MAGI2: variants seen among roughly 807,000 people sequenced by gnomAD.
MAGI2 encodes membrane associated guanylate kinase, WW and PDZ domain containing 2.
A neutral mutation model predicts 133.3 loss-of-function variants in MAGI2; 35 were observed. The ratio of observed to expected loss-of-function variants is 0.26; its 90% confidence interval spans 0.20 to 0.35. MAGI2 has a LOEUF of 0.35. MAGI2 is among the 10% of genes least tolerant of loss of function. The pLI is 1.00. For missense variants in MAGI2, 1,636 were observed against 1,863.4 expected (o/e 0.88, Z 2.25); for synonymous variants, 729 against 710.6 (o/e 1.03, Z -0.41).
rs777378299 is a variant in MAGI2 at position 78,055,763 on chromosome 7, A to T, written c.3706+23184T>A. ...AACTGATGATAATGCCAACCTTATG[A>T]TAATGAGCTGCCTGGCTCCTACTGA... On this transcript the variant is annotated intron_variant, in intron 21 of 21. Coordinates refer to ENST00000354212, the MANE Select transcript of MAGI2 (RefSeq NM_012301.4). 9.2e-5 allele frequency among the ~76,000 whole-genome samples: 14 copies of T among 152,304 alleles called. No homozygotes were observed. In the South Asian group the frequency reaches 1.7e-3, roughly 18 times the overall value.
chr7:78,349,456 G>A (rs1051994411), intron 7 of MAGI2, among the ~76,000 whole-genome samples: 1 of 152,132 alleles, frequency 6.6e-6, no homozygotes, highest in Admixed American at 6.5e-5. Flanking sequence ...AAAACTTTCT[G>A]GGATGCAGTT....
chr7:78,612,712 C>G lies in MAGI2; in HGVS notation c.538+14408G>C, dbSNP rs191952044. Among the ~76,000 whole-genome samples, 367 of 152,074 alleles carry G rather than the reference C, an allele frequency of 2.4e-3. 2 individuals are homozygous for G. Among genetic ancestry groups the G allele is most frequent in the Non-Finnish European group, 4.4e-3 (299 of 68,002 alleles). On this transcript the variant is annotated intron_variant, in intron 3 of 21. Transcript: ENST00000354212. Reference sequence around the variant, plus strand: ...TGAGGCGGGGTCTCGCTCTGTCGCCCAGGCCGGAGTGCAGTGGAGGGATCT... The same window carrying G: ...TGAGGCGGGGTCTCGCTCTGTCGCCGAGGCCGGAGTGCAGTGGAGGGATCT...
At chr7:78,821,285 A>G (rs533804169) in intron 2 of MAGI2, among the ~76,000 whole-genome samples, 15 of 152,196 alleles carry the variant, frequency 9.9e-5, no homozygotes, top group African/African-American at 3.6e-4. Flanking sequence ...GCACTGTTTT[A>G]GGCAATTAAG....
chr7:79,027,146 T>TA (rs749164032), intron 1 of MAGI2, among the ~76,000 whole-genome samples: 16 of 151,344 alleles, frequency 1.1e-4, no homozygotes, highest in African/African-American at 3.1e-4. Flanking sequence ...ATGGAGTTTC[T>TA]AAAAAAAATA....
chr7:78,235,151 A>T (rs1790396201), intron 10 of MAGI2, among the ~76,000 whole-genome samples: 1 of 152,172 alleles, frequency 6.6e-6, no homozygotes, highest in Non-Finnish European at 1.5e-5. Context: ...TATTTTACAT[A>T]ATAGTAAATT....
At chr7:78,788,549 A>T (rs80221008) in intron 2 of MAGI2, among the ~76,000 whole-genome samples, 11,589 of 150,660 alleles carry the variant, frequency 0.077, 508 homozygotes, top group East Asian at 0.19. Context: ...ATTTTTTTTT[A>T]AAATTTGAAT....
At chr7:78,651,684 A>C (rs1811591243) in intron 2 of MAGI2, among the ~76,000 whole-genome samples, 1 of 152,134 alleles carries the variant, frequency 6.6e-6, no homozygotes, top group African/African-American at 2.4e-5. Context: ...ATTAGAATAA[A>C]ATGATGATCT....
At chr7:78,335,157 G>C (rs2691541) in intron 9 of MAGI2, among the ~76,000 whole-genome samples, 125,997 of 152,168 alleles carry the variant, frequency 0.83, 52,427 homozygotes, top group African/African-American at 0.88. Context: ...TGACCCTTTA[G>C]AGAGTTTGCT....
intron 1 of MAGI2, among the ~76,000 whole-genome samples, chr7:79,221,721 T>A (rs1830460518): frequency 6.6e-6 from 1 of 152,124 alleles, no homozygotes; most frequent in East Asian, 1.9e-4. Context: ...TAATGCACAA[T>A]GTTTTATAAA....
chr7:79,444,012 C>T (rs571326355), intron 1 of MAGI2, among the ~76,000 whole-genome samples: 15 of 152,112 alleles, frequency 9.9e-5, no homozygotes, highest in African/African-American at 1.4e-4. Context: ...ATTAGACATA[C>T]GCAAATCAAT....
At chr7:79,071,893 G>T (rs968330455) in intron 1 of MAGI2, among the ~76,000 whole-genome samples, 5 of 152,076 alleles carry the variant, frequency 3.3e-5, no homozygotes, top group Non-Finnish European at 7.4e-5. Flanking sequence ...TAGCTTACTG[G>T]GCTCCGTGGG....
At chr7:78,682,131 C>T (rs1563346332) in intron 2 of MAGI2, among the ~76,000 whole-genome samples, 3 of 151,836 alleles carry the variant, frequency 2.0e-5, no homozygotes, top group African/African-American at 7.3e-5. Flanking sequence ...TTCTATCTTC[C>T]AATAAATAAA....
intron 6 of MAGI2, among the ~76,000 whole-genome samples, chr7:78,428,345 A>T (rs1430884722): frequency 1.3e-5 from 2 of 152,224 alleles, no homozygotes; most frequent in African/African-American, 2.4e-5. Flanking sequence ...AATGCAGATA[A>T]CATATAAAAT....
intron 3 of MAGI2, among the ~76,000 whole-genome samples, chr7:78,545,212 C>CTTTTTTTTT (rs71085537): frequency 1.2e-5 from 1 of 83,130 alleles, no homozygotes. Flanking sequence ...TAACCTGATT[C>CTTTTTTTTT]TTTTTTTTTT....
intron 6 of MAGI2, among the ~76,000 whole-genome samples, chr7:78,426,057 T>C (rs1799247599): frequency 6.6e-6 from 1 of 152,204 alleles, no homozygotes; most frequent in South Asian, 2.1e-4. Flanking sequence ...ATGAGGACTT[T>C]AAAGTAGCTT....
chr7:78,749,636 T>C (rs1003978681), intron 2 of MAGI2, among the ~76,000 whole-genome samples: 1 of 152,026 alleles, frequency 6.6e-6, no homozygotes, highest in African/African-American at 2.4e-5. Context: ...AGAATAAGGA[T>C]AGATTGCAGA....
intron 1 of MAGI2, among the ~76,000 whole-genome samples, chr7:79,236,494 G>T (rs570343597): frequency 2.8e-4 from 42 of 152,310 alleles, no homozygotes; most frequent in African/African-American, 8.9e-4. Flanking sequence ...ATATGGTTTG[G>T]ACATAAGCAG....
At chr7:79,100,397 T>C (rs1192599238) in intron 1 of MAGI2, among the ~76,000 whole-genome samples, 1 of 152,014 alleles carries the variant, frequency 6.6e-6, no homozygotes, top group African/African-American at 2.4e-5. Context: ...TAGACATATA[T>C]ATATTTTAGC....
chr7:78,573,102 T>C (rs1447717768), intron 3 of MAGI2, among the ~76,000 whole-genome samples: 1 of 106,336 alleles, frequency 9.4e-6, no homozygotes, highest in Non-Finnish European at 1.9e-5. Context: ...CACGGAGAGA[T>C]ATACATATGG....
Sources: gnomAD v4.1 joint callset for allele counts (sites outside exome capture counted in the v4.1 genomes callset) on GRCh38, gnomAD v4.1.1 for gene constraint, MANE v1.5 for transcripts, NCBI Gene and HGNC (gene_info 2026-07-23, HGNC 2026-07-21) for gene names.